The following BBOF1 variants were observed in gnomAD, a reference collection of about 807,000 sequenced individuals.
BBOF1 encodes basal body-orientation factor 1.
A neutral mutation model predicts 68.0 loss-of-function variants in BBOF1; 62 were observed. That is an observed-to-expected ratio of 0.91 (90% CI 0.74 to 1.13). The LOEUF (loss-of-function observed/expected upper bound fraction) is 1.13, where lower values mean the gene tolerates loss of function less well. BBOF1 is among the 50% of genes most tolerant of loss of function. The pLI is 0.00. For synonymous variants in BBOF1, 208 were observed against 198.8 expected (o/e 1.05, Z -0.39); for missense variants, 534 against 600.1 (o/e 0.89, Z 1.15).
In BBOF1 at chr14:74,065,536, G is replaced by T; in HGVS notation, c.*837G>T. ...AAAAGTCCTCTCTCAAGTGTATTCCGTCTTCCAAGTTACCAATCATATAAA... is the reference window on the plus strand; with the variant it reads ...AAAAGTCCTCTCTCAAGTGTATTCCTTCTTCCAAGTTACCAATCATATAAA... On this transcript the variant is annotated 3_prime_UTR_variant, in exon 12 of 12. Coordinates refer to ENST00000394009, the MANE Select transcript of BBOF1 (RefSeq NM_025057.3). 1.6e-6 allele frequency: 1 copy of T among 628,790 alleles called. No homozygotes were observed. Among genetic ancestry groups the T allele is most frequent in the Non-Finnish European group, 2.8e-6 (1 of 362,040 alleles). The allele number at this position is 628,790 out of a possible 1,614,324, so 39.0% of individuals were successfully genotyped here.
intron 9 of BBOF1, chr14:74,072,370 G>T: frequency 1.2e-6 from 2 of 1,614,142 alleles, no homozygotes; most frequent in South Asian, 2.2e-5. Context: ...GTGGCCTGAT[G>T]AGAAAAATAA....
At chr14:74,064,297 CAA>C (rs368051564) in intron 11 of BBOF1, among the ~76,000 whole-genome samples, 3 of 127,040 alleles carry the variant, frequency 2.4e-5, no homozygotes, top group Admixed American at 8.0e-5. Context: ...GACTGTGTCT[CAA>C]AAAAAAAAAA....
rs775458187 is a variant in BBOF1 at position 74,022,975 on chromosome 14, G to A, written c.116G>A (p.Trp39Ter). Residue 39 changes from tryptophan to a stop codon, truncating the protein, a stop_gained, in exon 2 of 12, where the codon TGG (tryptophan) becomes TAG (stop). Coordinates refer to ENST00000394009, the MANE Select transcript of BBOF1 (RefSeq NM_025057.3). LOFTEE classifies it high-confidence loss of function. ...AGAGCCAAGGCCAATGCCTCCCTTT[G>A]GGAGGCCAGGTTGGAAGTCACAGAA... The part of the protein sequence containing the change: ...VDRAKANASL[W>*]EARLEVTELS... 3.1e-6 allele frequency: 5 copies of A among 1,613,266 alleles called. No homozygotes were observed. The Admixed American group carries it at 6.7e-5, about 22-fold the overall frequency.
Position 74,050,185 on chromosome 14 carries a change from G to A in BBOF1, c.1276G>A (p.Ala426Thr). ...TAGTGTGAATCAGGATCTTCTGGAG[G>A]CCGAAAAATGGTACTAGCAATACTT... is the stretch of plus-strand genomic sequence containing the variant. ...TNSVNQDLLE[A>T]EKWTHIEGNV... Residue 426 changes from alanine to threonine, a missense_variant, in exon 8 of 12, where the codon GCC becomes ACC. Physicochemically the swap from Ala to Thr is moderately conservative, Grantham distance 58. Transcript: ENST00000394009. The A allele has an allele frequency of 6.5e-7, 1 of 1,537,224 alleles. No individual in the cohort carries two copies. Among genetic ancestry groups the A allele is most frequent in the East Asian group, 2.3e-5 (1 of 44,160 alleles).
chr14:74,047,864 T>G (rs2059985281), intron 6 of BBOF1, 66 bp from the exon 7 acceptor site: 4 of 1,428,746 alleles, frequency 2.8e-6, no homozygotes, highest in Non-Finnish European at 3.8e-6. Context: ...GGTGAAGCAA[T>G]CATTTTTCTA....
chr14:74,057,275 T>C lies in BBOF1; in HGVS notation c.1578+17T>C, dbSNP rs747114138. 1.8e-5 allele frequency: 29 copies of C among 1,613,974 alleles called. No homozygotes were observed. Among genetic ancestry groups the C allele is most frequent in the Non-Finnish European group, 2.3e-5 (27 of 1,180,010 alleles). Reference sequence around the variant, plus strand: ...TCTGACACAGTAAGGAGTCTGTATCTAATCAAACAATGTATATTGTTGTCA... The same window carrying C: ...TCTGACACAGTAAGGAGTCTGTATCCAATCAAACAATGTATATTGTTGTCA... On this transcript the variant is annotated intron_variant, in intron 11 of 11. Transcript: ENST00000394009.
chr14:74,059,049 A>C (rs1398380852), intron 11 of BBOF1: 1 of 169,228 alleles, frequency 5.9e-6, no homozygotes, highest in Admixed American at 7.4e-5. Flanking sequence ...ACGCCATTGC[A>C]CTCTAGCCTG....
chr14:74,075,646 G>C (rs2060604541), intron 9 of BBOF1, among the ~76,000 whole-genome samples: 1 of 150,664 alleles, frequency 6.6e-6, no homozygotes, highest in Non-Finnish European at 1.5e-5. Context: ...GAGAGAGGGA[G>C]ACCTTGTCTC....
At chr14:74,056,599 G>C (rs948007806) in intron 9 of BBOF1, among the ~76,000 whole-genome samples, 1 of 152,048 alleles carries the variant, frequency 6.6e-6, no homozygotes, top group Admixed American at 6.6e-5. Flanking sequence ...GCTTCCCAAA[G>C]TGCTGGGATT....
intron 7 of BBOF1, among the ~76,000 whole-genome samples, chr14:74,049,396 G>A (rs1030907937): frequency 2.1e-4 from 32 of 151,844 alleles, no homozygotes; most frequent in Non-Finnish European, 1.3e-4. Flanking sequence ...AAAATCAGCC[G>A]GGCGCAGTGG....
At chr14:74,028,000 A>G (rs2059472805) in intron 2 of BBOF1, among the ~76,000 whole-genome samples, 1 of 152,204 alleles carries the variant, frequency 6.6e-6, no homozygotes, top group Admixed American at 6.5e-5. Context: ...ACATAGTAGT[A>G]TATTAATGTT....
chr14:74,064,367 T>G (rs1174706342), intron 11 of BBOF1, among the ~76,000 whole-genome samples: 1 of 152,086 alleles, frequency 6.6e-6, no homozygotes, highest in Admixed American at 6.5e-5. Context: ...TCAACAACAT[T>G]TTTTGTAAAT....
rs907237748 is a variant in BBOF1, at chr14:74,022,166, A to G, written c.57-750A>G. Among the ~76,000 whole-genome samples the G allele has an allele frequency of 3.3e-5, 5 of 152,092 alleles. No individual in the cohort carries two copies. The East Asian group carries it at 9.6e-4, about 29-fold the overall frequency. On this transcript the variant is annotated intron_variant, in intron 1 of 11. Coordinates refer to ENST00000394009, the MANE Select transcript of BBOF1 (RefSeq NM_025057.3). ...AGGTGGGAGGATACTTGAGCCCAGA[A>G]GTTGGAGACCAGCATAGGCAACATA...
At chr14:74,078,110 G>C (rs1169503332) in intron 9 of BBOF1, 6 of 440,874 alleles carry the variant, frequency 1.4e-5, no homozygotes, top group Admixed American at 7.7e-5. Flanking sequence ...TTCACTCTTT[G>C]CTATTCCACA....
chr14:74,044,357 T>TAA (rs1355953193), intron 5 of BBOF1, among the ~76,000 whole-genome samples: 1 of 152,156 alleles, frequency 6.6e-6, no homozygotes, highest in Non-Finnish European at 1.5e-5. Context: ...CACAGTCTAT[T>TAA]AATTCTTTTT....
chr14:74,036,450 A>G (rs1045253974), intron 4 of BBOF1, among the ~76,000 whole-genome samples: 1 of 152,094 alleles, frequency 6.6e-6, no homozygotes, highest in African/African-American at 2.4e-5. Flanking sequence ...TGGGAGTCCA[A>G]GGCAGGTGGA....
At position 74,022,904 on chromosome 14, in the gene BBOF1, C is replaced by G. The variant is rs1362433046; in HGVS notation, c.57-12C>G. The G allele has an allele frequency of 2.6e-6, 4 of 1,525,534 alleles. No homozygotes were observed. The highest frequency in any genetic ancestry group is 3.6e-6 in the Non-Finnish European group (4 of 1,105,840). 94.5% of individuals were successfully genotyped at this position (1,525,534 alleles called of 1,614,324 possible). The stretch of plus-strand genomic sequence containing the variant: ...AATAGTCATATACTGTCAATATCCT[C>G]TTCCCATGCAGGAAGTTAATAAAAA... On this transcript the variant is annotated splice_polypyrimidine_tract_variant and intron_variant, in intron 1 of 11. Transcript: ENST00000394009.
chr14:74,025,741 CTT>C (rs1414394832), intron 2 of BBOF1, among the ~76,000 whole-genome samples: 3 of 152,136 alleles, frequency 2.0e-5, no homozygotes, highest in African/African-American at 7.2e-5. Context: ...GTCAACAAGT[CTT>C]TAGTTTAAAA....
chr14:74,056,421 A>G (rs1411083042), intron 9 of BBOF1, among the ~76,000 whole-genome samples: 1 of 151,832 alleles, frequency 6.6e-6, no homozygotes, highest in East Asian at 1.9e-4. Flanking sequence ...GCTGGTCTCG[A>G]ACTCCTGACC....
Sources: gnomAD v4.1 joint callset for allele counts (sites outside exome capture counted in the v4.1 genomes callset) on GRCh38, gnomAD v4.1.1 for gene constraint, MANE v1.5 for transcripts, NCBI Gene and HGNC (gene_info 2026-07-23, HGNC 2026-07-21) for gene names.